POMT2: variants seen among roughly 807,000 people sequenced by gnomAD.
The protein encoded by POMT2 is protein O-mannosyl-transferase 2.
A neutral mutation model predicts 100.0 loss-of-function variants in POMT2; 75 were observed. That is an observed-to-expected ratio of 0.75 (90% CI 0.62 to 0.91). POMT2 has a LOEUF of 0.91. Ranked by LOEUF, POMT2 falls within the 40% of genes least tolerant of loss-of-function variation. The pLI is 0.00. For missense variants in POMT2, 940 were observed against 955.1 expected, an observed-to-expected ratio of 0.98 and a Z score of 0.21; for synonymous variants, 378 against 374.1, an observed-to-expected ratio of 1.01 and a Z score of -0.12.
At chr14:77,306,475 G>A (rs558439985) in intron 2 of POMT2, 34 bp from the exon 3 acceptor site, 3 of 1,607,538 alleles carry the variant, frequency 1.9e-6, no homozygotes, top group South Asian at 1.1e-5. Flanking sequence ...AAGATGAGAA[G>A]CCTTTGGGAG....
chr14:77,301,263 AGACG>A lies in POMT2; in HGVS notation c.657-18_657-15del, dbSNP rs1891030471. ...GCAGAGAAGGGCCTGAAAATCAACA[AGACG>A]GAGTTCAATTTGGCAGCTGGAACCA... On this transcript the variant is annotated splice_polypyrimidine_tract_variant and intron_variant, in intron 5 of 20. Coordinates refer to ENST00000261534, the MANE Select transcript of POMT2 (RefSeq NM_013382.7). 2.5e-6 allele frequency: 4 copies of A among 1,614,064 alleles called. No homozygotes were observed. The highest frequency in any genetic ancestry group is 3.4e-6 in the Non-Finnish European group (4 of 1,179,972).
rs756672659 is a variant in POMT2 at position 77,278,763 on chromosome 14, G to C, written c.1998C>G (p.Tyr666Ter). ...LMGRVLYFHHYFPAMLFSSML... is the reference protein window; with the variant it reads ...LMGRVLYFHH Reference sequence around the variant, plus strand: ...TGCTTGAGAAGAGCATGGCTGGGAAGTAGTGGTGGAAGTAGAGGACCCGGC... The same window carrying C: ...TGCTTGAGAAGAGCATGGCTGGGAACTAGTGGTGGAAGTAGAGGACCCGGC... Residue 666 changes from tyrosine (Y) to a stop codon, truncating the protein, a stop_gained, in exon 19 of 21, where the codon TAC becomes TAG. Transcript: ENST00000261534. LOFTEE classifies it high-confidence loss of function. The C allele has an allele frequency of 6.2e-7, 1 of 1,613,866 alleles. No individual in the cohort carries two copies. The highest frequency in any genetic ancestry group is 1.7e-5 in the Admixed American group (1 of 60,002).
At chr14:77,299,602 C>T in intron 6 of POMT2, 41 bp from the exon 7 acceptor site, 1 of 1,413,600 alleles carries the variant, frequency 7.1e-7, no homozygotes. Context: ...GCATGTGAGA[C>T]CTCATTATTC....
chr14:77,279,880 C>T lies in POMT2; in HGVS notation c.1834G>A (p.Gly612Arg). The stretch of plus-strand genomic sequence containing the variant: ...TGCATGGCTACAGCAATGATGCTCC[C>T]TGAGAGGAGGTAGAGGGCGATGCTC... ...LLSIALYLLS[G>R]SIIAVAMQRG... is the part of the protein sequence containing the mutation. The change falls in exon 18 of 21, where the codon GGG (glycine) becomes AGG (arginine). Residue 612 changes from glycine (G) to arginine (R), a missense_variant. By Grantham distance (125) the Gly-to-Arg change is moderately radical. Coordinates refer to ENST00000261534, the MANE Select transcript of POMT2 (RefSeq NM_013382.7). 6.2e-7 allele frequency: 1 copy of T among 1,614,064 alleles called. No homozygotes were observed. The highest frequency in any genetic ancestry group is 8.5e-7 in the Non-Finnish European group (1 of 1,180,012).
In POMT2 at chr14:77,310,340, T is replaced by A. The variant is rs562564740; in HGVS notation, c.333+1609A>T. 2.0e-5 allele frequency among the ~76,000 whole-genome samples: 3 copies of A among 152,300 alleles called. No homozygotes were observed. In the South Asian group the frequency reaches 6.2e-4, roughly 32 times the overall value. On this transcript the variant is annotated intron_variant, in intron 2 of 20. Transcript: ENST00000261534. ...CTACTTATCTTCCTTCAGTTCCCCA[T>A]CTGTGTAATGGGGATGAAACAATAC... is the stretch of plus-strand genomic sequence containing the variant.
At chr14:77,307,092 CT>C (rs1891252476) in intron 2 of POMT2, among the ~76,000 whole-genome samples, 1 of 152,230 alleles carries the variant, frequency 6.6e-6, no homozygotes, top group African/African-American at 2.4e-5. Context: ...CCTTCAAAAC[CT>C]TTGACAAGAT....
chr14:77,279,342 C>T (rs1594884343), intron 18 of POMT2: 1 of 367,312 alleles, frequency 2.7e-6, no homozygotes, highest in South Asian at 2.1e-5. Flanking sequence ...CATGGTCTGG[C>T]AGCCAAAGTT....
At chr14:77,277,818 A>G (rs1410040272) in intron 20 of POMT2, among the ~76,000 whole-genome samples, 1 of 152,208 alleles carries the variant, frequency 6.6e-6, no homozygotes, top group East Asian at 1.9e-4. Context: ...CCACAGGCCC[A>G]GCACCAAGGC....
intron 10 of POMT2, among the ~76,000 whole-genome samples, 171 bp downstream of exon 10, chr14:77,291,143 C>T (rs1890625480): frequency 6.6e-6 from 1 of 152,114 alleles, no homozygotes; most frequent in Admixed American, 6.5e-5. Flanking sequence ...GTGCTTGGAA[C>T]ACAGTAGGTG....
At position 77,320,745 on chromosome 14, in the gene POMT2, C is replaced by T. The variant is rs2270421; in HGVS notation, c.-64G>A. 442,954 of 1,562,322 alleles carry T rather than the reference C, an allele frequency of 0.28. 66,125 individuals carry two copies. Among genetic ancestry groups the T allele is most frequent in the East Asian group, 0.44 (19,078 of 43,720 alleles). On this transcript the variant is annotated 5_prime_UTR_variant, in exon 1 of 21. Transcript: ENST00000261534. ...CACTTTGTCTGACCAGCCGCCCCGC[C>T]AAGGAGTCACAAGAGGGCAGCTCGG... is the stretch of plus-strand genomic sequence containing the variant.
At chr14:77,296,521 A>C in intron 8 of POMT2, 2 of 545,062 alleles carry the variant, frequency 3.7e-6, no homozygotes, top group Non-Finnish European at 6.6e-6. Context: ...GTCATTATCA[A>C]AGCACTACGT....
At chr14:77,282,644 C>A (rs1173084603) in intron 15 of POMT2, among the ~76,000 whole-genome samples, 2 of 152,170 alleles carry the variant, frequency 1.3e-5, no homozygotes, top group East Asian at 3.8e-4. Flanking sequence ...GCCACAGTGA[C>A]AGCTACAAGC....
chr14:77,298,889 G>A, intron 7 of POMT2, 118 bp from the exon 8 acceptor site: 1 of 984,500 alleles, frequency 1.0e-6, no homozygotes, highest in Middle Eastern at 2.7e-4. Flanking sequence ...CAGATCATGG[G>A]ACAGAGGTGG....
At position 77,278,828 on chromosome 14, in the gene POMT2, G is replaced by A. The variant is rs201358407; in HGVS notation, c.1933C>T (p.Leu645Phe). 2.0e-5 allele frequency: 32 copies of A among 1,613,426 alleles called. No homozygotes were observed. Among genetic ancestry groups the A allele is most frequent in the Non-Finnish European group, 2.5e-5 (29 of 1,179,816 alleles). ...GGGAAGTAATGGAGTGTCCAGCCGA[G>A]CAGGACCTGGCCGCCTCCTCGAAGC... The part of the protein sequence containing the change: ...VLLRGGGQVL[L>F]GWTLHYFPFF... Residue 645 changes from leucine to phenylalanine, a missense_variant, in exon 19 of 21, where the codon CTC becomes TTC. Leu to Phe is a conservative substitution (Grantham distance 22). Coordinates refer to ENST00000261534, the MANE Select transcript of POMT2 (RefSeq NM_013382.7).
Position 77,320,872 on chromosome 14 carries a change from G to C in POMT2, c.-191C>G, listed in dbSNP as rs1212291205. 1 of 1,213,340 alleles carries C rather than the reference G, an allele frequency of 8.2e-7. No individual in the cohort carries two copies. The highest frequency in any genetic ancestry group is 3.1e-5 in the East Asian group (1 of 32,238). 75.2% of individuals were successfully genotyped at this position (1,213,340 alleles called of 1,614,324 possible). ...GTCGCGGCCCGGGCCGCTAGGAGGCGGCAGGAGGCGCAGAGCATGTCGGGA... is the reference window on the plus strand; with the variant it reads ...GTCGCGGCCCGGGCCGCTAGGAGGCCGCAGGAGGCGCAGAGCATGTCGGGA... On this transcript the variant is annotated 5_prime_UTR_variant, in exon 1 of 21. Transcript: ENST00000261534.
Position 77,280,376 on chromosome 14 carries a change from C to T in POMT2, c.1725+16G>A. The T allele has an allele frequency of 6.2e-7, 1 of 1,614,156 alleles. No homozygotes were observed. The highest frequency in any genetic ancestry group is 8.5e-7 in the Non-Finnish European group (1 of 1,180,032). On this transcript the variant is annotated intron_variant, in intron 16 of 20. Coordinates refer to ENST00000261534, the MANE Select transcript of POMT2 (RefSeq NM_013382.7). The stretch of plus-strand genomic sequence containing the variant: ...TGGCTCCATTTCCTGGGAGGAGCCC[C>T]AGCCTTGGATCCTACCTGATAGTTG...
At chr14:77,304,233 A>C (rs1382332605) in intron 4 of POMT2, among the ~76,000 whole-genome samples, 1 of 152,254 alleles carries the variant, frequency 6.6e-6, no homozygotes, top group Non-Finnish European at 1.5e-5. Context: ...TATCCATGTG[A>C]AGATTATTAT....
chr14:77,299,683 G>T, intron 6 of POMT2, 122 bp from the exon 7 acceptor site: 1 of 751,126 alleles, frequency 1.3e-6, no homozygotes, highest in Non-Finnish European at 2.3e-6. Flanking sequence ...TGGCCAAGAG[G>T]AGAGAGAAGA....
chr14:77,283,882 A>G lies in POMT2; in HGVS notation c.1577-9T>C. 2 of 1,602,332 alleles carry G rather than the reference A, an allele frequency of 1.2e-6. No homozygotes were observed. Among genetic ancestry groups the G allele is most frequent in the Non-Finnish European group, 1.7e-6 (2 of 1,169,240 alleles). ...CAGGCTGATGTTTGGCACTAGGGGA[A>G]AAAAATGCAGGAGAAAAGCCTTTGT... On this transcript the variant is annotated splice_polypyrimidine_tract_variant and intron_variant, in intron 14 of 20. Coordinates refer to ENST00000261534, the MANE Select transcript of POMT2 (RefSeq NM_013382.7).
Sources: allele counts gnomAD v4.1 joint callset (sites outside exome capture counted in the v4.1 genomes callset), GRCh38; gene constraint gnomAD v4.1.1; transcripts MANE v1.5; gene names NCBI Gene and HGNC (gene_info 2026-07-23, HGNC 2026-07-21).